The following SAMMSON variants were observed in gnomAD, a reference collection of about 807,000 sequenced individuals.
SAMMSON encodes the protein survival associated mitochondrial melanoma specific oncogenic non-coding RNA, also known as long intergenic non-protein coding RNA 1212.
At chr3:70,107,042 C>T (rs2067369570) in intron 4 of SAMMSON, among the ~76,000 whole-genome samples, 1 of 152,150 alleles carries the variant, frequency 6.6e-6, no homozygotes, top group Non-Finnish European at 1.5e-5. Flanking sequence ...GTATGTAATG[C>T]ATTGTCTTGA....
At chr3:70,355,220 A>C (rs1156424778) in intron 8 of SAMMSON, among the ~76,000 whole-genome samples, 1 of 152,124 alleles carries the variant, frequency 6.6e-6, no homozygotes, top group African/African-American at 2.4e-5. Context: ...ATCCCATGCA[A>C]CCAATCAGCA....
intron 4 of SAMMSON, among the ~76,000 whole-genome samples, chr3:70,121,539 A>C (rs2067433128): frequency 6.6e-6 from 1 of 152,230 alleles, no homozygotes; most frequent in African/African-American, 2.4e-5. Context: ...AAGAGTCATC[A>C]TGAGAAAAAT....
At chr3:70,335,297 G>A (rs1179939268) in intron 7 of SAMMSON, among the ~76,000 whole-genome samples, 1 of 151,946 alleles carries the variant, frequency 6.6e-6, no homozygotes, top group East Asian at 1.9e-4. Flanking sequence ...TACATGCACT[G>A]TATGGCTAGC....
chr3:70,008,480 A>G (rs1425361524), intron 1 of SAMMSON, among the ~76,000 whole-genome samples: 1 of 152,190 alleles, frequency 6.6e-6, no homozygotes, highest in African/African-American at 2.4e-5. Flanking sequence ...ATTTTTGCAC[A>G]TTGATTTTGT....
At chr3:70,045,028 TA>T (rs1279355634) in intron 3 of SAMMSON, among the ~76,000 whole-genome samples, 1,544 of 128,056 alleles carry the variant, frequency 0.012, 62 homozygotes, top group African/African-American at 0.043. Flanking sequence ...TTAATTATAA[TA>T]TATATTATAA....
intron 6 of SAMMSON, among the ~76,000 whole-genome samples, chr3:70,277,668 G>A (rs1468729691): frequency 1.3e-5 from 2 of 152,122 alleles, no homozygotes; most frequent in East Asian, 1.9e-4. Context: ...GTCGAGTATG[G>A]GGAGGATCTC....
chr3:70,244,680 A>G (rs1054061115), intron 4 of SAMMSON, among the ~76,000 whole-genome samples: 8 of 152,182 alleles, frequency 5.3e-5, no homozygotes, highest in African/African-American at 1.7e-4. Flanking sequence ...CTCAAATTTG[A>G]TGGTTAGAAA....
chr3:70,304,653 C>G (rs1336057036), intron 7 of SAMMSON, among the ~76,000 whole-genome samples: 3 of 152,194 alleles, frequency 2.0e-5, no homozygotes, highest in Non-Finnish European at 2.9e-5. Flanking sequence ...TCTATTTCAT[C>G]TTCAAAGTTG....
At chr3:70,200,495 G>A (rs1434902269) in intron 4 of SAMMSON, among the ~76,000 whole-genome samples, 3 of 152,120 alleles carry the variant, frequency 2.0e-5, no homozygotes, top group Non-Finnish European at 4.4e-5. Context: ...TGCCTGCATT[G>A]CACACCCTCC....
intron 6 of SAMMSON, among the ~76,000 whole-genome samples, chr3:70,288,594 G>A (rs1360622928): frequency 2.0e-5 from 3 of 149,466 alleles, no homozygotes; most frequent in African/African-American, 7.4e-5. Flanking sequence ...GCAGAGCTGA[G>A]TTCAATTCCT....
chr3:70,022,426 C>CAAAAAAAAAAAAAAA (rs60455629), intron 3 of SAMMSON, among the ~76,000 whole-genome samples: 73 of 91,090 alleles, frequency 8.0e-4, no homozygotes, highest in Non-Finnish European at 1.4e-3. Context: ...AGTATAATAA[C>CAAAAAAAAAAAAAAA]AAAAAAAAAA....
chr3:70,303,006 T>C (rs76337733), intron 7 of SAMMSON, among the ~76,000 whole-genome samples: 4,000 of 152,286 alleles, frequency 0.026, 76 homozygotes, highest in Non-Finnish European at 0.04. Context: ...TTTCTAAATA[T>C]AAATTAAAGT....
intron 4 of SAMMSON, among the ~76,000 whole-genome samples, chr3:70,165,083 A>C (rs2067631781): frequency 6.6e-6 from 1 of 152,082 alleles, no homozygotes; most frequent in African/African-American, 2.4e-5. Context: ...GGAGAGCCCC[A>C]AGAAAATGAA....
chr3:70,217,169 A>G (rs920413055), intron 4 of SAMMSON, among the ~76,000 whole-genome samples: 1 of 152,138 alleles, frequency 6.6e-6, no homozygotes, highest in African/African-American at 2.4e-5. Flanking sequence ...ATATCCTAAA[A>G]GAGGACCTGG....
chr3:70,073,459 G>T (rs2067237457), intron 4 of SAMMSON, among the ~76,000 whole-genome samples: 2 of 152,020 alleles, frequency 1.3e-5, no homozygotes, highest in Admixed American at 1.3e-4. Context: ...CTGCCCCCAT[G>T]GAGCTTACAA....
Position 70,193,600 on chromosome 3 carries a change from C to T in SAMMSON, n.508-55507C>T, listed in dbSNP as rs1372445592. On this transcript the variant is annotated intron_variant and non_coding_transcript_variant, in intron 4 of 9. Coordinates refer to ENST00000642114, the Ensembl canonical transcript of SAMMSON. ...TTTCTACACAGCTCACCTGACGATA[C>T]ATGTGGCAACTGTTTAGGTTTTACT... Among the ~76,000 whole-genome samples the T allele has an allele frequency of 3.9e-5, 6 of 152,314 alleles. No homozygotes were observed. In the South Asian group the frequency reaches 1.2e-3, roughly 32 times the overall value.
chr3:70,027,813 A>G (rs1166746748), intron 3 of SAMMSON, among the ~76,000 whole-genome samples: 1 of 152,196 alleles, frequency 6.6e-6, no homozygotes, highest in African/African-American at 2.4e-5. Context: ...AATTTCTTAA[A>G]TGATGGTGCT....
At chr3:70,119,572 A>C (rs572269188) in intron 4 of SAMMSON, among the ~76,000 whole-genome samples, 1 of 152,226 alleles carries the variant, frequency 6.6e-6, no homozygotes, top group South Asian at 2.1e-4. Flanking sequence ...ATTGAGCAAC[A>C]TGAAATGCAG....
chr3:70,011,794 T>G (rs1173715640), intron 1 of SAMMSON, among the ~76,000 whole-genome samples: 1 of 152,032 alleles, frequency 6.6e-6, no homozygotes, highest in Non-Finnish European at 1.5e-5. Context: ...ATAAATCACT[T>G]GCTATTATGA....
Sources: allele counts gnomAD v4.1 joint callset (sites outside exome capture counted in the v4.1 genomes callset), GRCh38; gene constraint gnomAD v4.1.1; transcripts MANE v1.5; gene names NCBI Gene and HGNC (gene_info 2026-07-23, HGNC 2026-07-21).